INTS10: variants seen among roughly 807,000 people sequenced by gnomAD.
INTS10 encodes chromosome 8 open reading frame 35.
A neutral mutation model predicts 94.4 loss-of-function variants in INTS10; 44 were observed. The observed-to-expected ratio is 0.47, with a 90% CI of 0.37 to 0.60. The LOEUF (loss-of-function observed/expected upper bound fraction) is 0.60. Ranked by LOEUF, INTS10 falls within the 20% of genes least tolerant of loss-of-function variation. The pLI is 0.00. For missense variants in INTS10, 797 were observed against 868.7 expected (o/e 0.92, Z 1.04); for synonymous variants, 341 against 320.7 (o/e 1.06, Z -0.68).
chr8:19,847,829 T>C (rs2068705307), intron 16 of INTS10, among the ~76,000 whole-genome samples: 2 of 152,286 alleles, frequency 1.3e-5, no homozygotes, highest in South Asian at 2.1e-4. Context: ...GAAGAGTGTT[T>C]GGAGTTGTTT....
At chr8:19,830,189 C>G (rs568497467) in intron 9 of INTS10, among the ~76,000 whole-genome samples, 16 of 152,088 alleles carry the variant, frequency 1.1e-4, no homozygotes, top group Non-Finnish European at 1.8e-4. Context: ...AAAAAAAATT[C>G]ACTCAATTTT....
In INTS10 at chr8:19,846,666, C is replaced by T. The variant is rs2068612894; in HGVS notation, c.1976+869C>T. Among the ~76,000 whole-genome samples, 1 of 152,154 alleles carries T rather than the reference C, an allele frequency of 6.6e-6. No homozygotes were observed. The highest frequency in any genetic ancestry group is 2.1e-4 in the South Asian group (1 of 4,832). ...GAGTGGTTGGTCTCCACCATGCTCC[C>T]CTGAACTCACAAGATGTTACTAAAA... On this transcript the variant is annotated intron_variant, in intron 16 of 16. Coordinates refer to ENST00000397977, the MANE Select transcript of INTS10 (RefSeq NM_018142.4). This position sits in a 1 kb window ranked among gnomAD's most constrained non-coding sequence, Gnocchi z 4.2.
intron 8 of INTS10, among the ~76,000 whole-genome samples, chr8:19,825,543 A>G (rs2066728063): frequency 6.6e-6 from 1 of 152,056 alleles, no homozygotes; most frequent in East Asian, 1.9e-4. Flanking sequence ...AAAAGAAAAA[A>G]ACAGCAGATG....
rs143011757 is a variant in INTS10, at chr8:19,847,317, A to G, written c.1976+1520A>G. On this transcript the variant is annotated intron_variant, in intron 16 of 16. Coordinates refer to ENST00000397977, the MANE Select transcript of INTS10 (RefSeq NM_018142.4). ...GATGGACAAGGACTGGCATCTTCCA[A>G]TCCCCATTTACTTTTCTAAGATCGT... 1.1e-4 allele frequency among the ~76,000 whole-genome samples: 17 copies of G among 152,352 alleles called. No homozygotes were observed. The East Asian group carries it at 3.3e-3, about 29-fold the overall frequency.
chr8:19,825,359 CTACTAA>C (rs1168332501), intron 8 of INTS10, among the ~76,000 whole-genome samples: 1 of 152,058 alleles, frequency 6.6e-6, no homozygotes, highest in Non-Finnish European at 1.5e-5. Flanking sequence ...AACCCCATCT[CTACTAA>C]AAATACAAAT....
intron 7 of INTS10, chr8:19,824,547 G>T: frequency 2.7e-6 from 1 of 376,520 alleles, no homozygotes. Context: ...GAACTCTTAA[G>T]ACGATGTTGT....
intron 9 of INTS10, among the ~76,000 whole-genome samples, chr8:19,830,089 G>A (rs2067115362): frequency 6.6e-6 from 1 of 152,068 alleles, no homozygotes; most frequent in African/African-American, 2.4e-5. Flanking sequence ...GTCTCTCAAT[G>A]TAAAAATCTA....
At chr8:19,842,085 C>A in intron 13 of INTS10, 2 of 225,798 alleles carry the variant, frequency 8.9e-6, no homozygotes, top group Non-Finnish European at 1.8e-5. Flanking sequence ...GCTTTGAAAG[C>A]TATTGCTTAA....
rs1281320071 is a variant in INTS10 at position 19,846,677 on chromosome 8, A to G, written c.1976+880A>G. 6.6e-6 allele frequency among the ~76,000 whole-genome samples: 1 copy of G among 152,192 alleles called. No individual in the cohort carries two copies. The highest frequency in any genetic ancestry group is 3.2e-3 in the Middle Eastern group (1 of 316). ...CTCCACCATGCTCCCCTGAACTCAC[A>G]AGATGTTACTAAAATTCCGGGTTGG... is the stretch of plus-strand genomic sequence containing the variant. On this transcript the variant is annotated intron_variant, in intron 16 of 16. Transcript: ENST00000397977. This position sits in a 1 kb window ranked among gnomAD's most constrained non-coding sequence, Gnocchi z 4.2.
At chr8:19,820,155 T>C (rs1478800997) in intron 3 of INTS10, among the ~76,000 whole-genome samples, 1 of 150,910 alleles carries the variant, frequency 6.6e-6, no homozygotes, top group Non-Finnish European at 1.5e-5. Flanking sequence ...ATCATTGTTT[T>C]TTGAATTTGA....
At chr8:19,844,353 C>T (rs1033347386) in intron 15 of INTS10, 115 bp downstream of exon 15, 11 of 818,580 alleles carry the variant, frequency 1.3e-5, no homozygotes, top group South Asian at 2.1e-5. Flanking sequence ...TATTTTGCAG[C>T]GAAGAGAAGG....
At chr8:19,847,408 G>A (rs1046185904) in intron 16 of INTS10, among the ~76,000 whole-genome samples, 1 of 152,148 alleles carries the variant, frequency 6.6e-6, no homozygotes, top group Non-Finnish European at 1.5e-5. Context: ...TGGGGATAAA[G>A]ATTACCTTTG....
chr8:19,826,346 G>T (rs1016192711), intron 8 of INTS10, 80 bp from the exon 9 acceptor site: 5 of 1,421,526 alleles, frequency 3.5e-6, no homozygotes, highest in Non-Finnish European at 4.7e-6. Flanking sequence ...CCTCCCAAAG[G>T]GCTGGGATTG....
In INTS10 at chr8:19,845,761, A is replaced by T. The variant is rs374085068; in HGVS notation, c.1940A>T (p.His647Leu). ...AGAACTCAGGAAGGTGGGAAAATTC[A>T]TCTGGAATTACTACCCAATCAAGGA... ...YLRTQEGGKIHLELLPNQGML... is the reference protein window; with the variant it reads ...YLRTQEGGKILLELLPNQGML... The change falls in exon 16 of 17, where the codon CAT becomes CTT. Residue 647 changes from histidine to leucine, a missense_variant. Transcript: ENST00000397977. 2.5e-5 allele frequency: 40 copies of T among 1,613,854 alleles called. No individual in the cohort carries two copies. In the African/African-American group the frequency reaches 4.1e-4, roughly 17 times the overall value.
rs1021443530 is a variant in INTS10 at position 19,817,527 on chromosome 8, G to A, written c.-11G>A. ...GCCGCTTCGGGCTGGCGGCTGGAGA[G>A]CGCTCGGGTCATGTCTGCCCAGGGG... is the stretch of plus-strand genomic sequence containing the variant. On this transcript the variant is annotated 5_prime_UTR_variant, in exon 1 of 17. Coordinates refer to ENST00000397977, the MANE Select transcript of INTS10 (RefSeq NM_018142.4). The A allele has an allele frequency of 4.4e-6, 7 of 1,603,972 alleles. No individual in the cohort carries two copies. The African/African-American group carries it at 9.4e-5, about 21-fold the overall frequency.
At chr8:19,823,745 C>A in intron 6 of INTS10, 128 bp from the exon 7 acceptor site, 1 of 858,298 alleles carries the variant, frequency 1.2e-6, no homozygotes, top group Non-Finnish European at 1.8e-6. Context: ...GGTCCTTGAG[C>A]AAAACATAAG....
At chr8:19,837,507 C>T in intron 13 of INTS10, 1 of 186,758 alleles carries the variant, frequency 5.4e-6, no homozygotes, top group Admixed American at 5.5e-5. Context: ...TTCCAAAGCT[C>T]TCTTCACTTC....
intron 9 of INTS10, among the ~76,000 whole-genome samples, chr8:19,828,489 C>G (rs1422548366): frequency 6.6e-6 from 1 of 152,218 alleles, no homozygotes; most frequent in African/African-American, 2.4e-5. Flanking sequence ...TCAGAGTGTA[C>G]TTGCACATTT....
At chr8:19,833,095 C>G (rs761998551) in intron 11 of INTS10, 74 bp from the exon 12 acceptor site, 4 of 1,358,904 alleles carry the variant, frequency 2.9e-6, no homozygotes, top group South Asian at 3.2e-5. Context: ...TTCGTGAACC[C>G]TGGAACGGTA....
Sources: allele counts gnomAD v4.1 joint callset (sites outside exome capture counted in the v4.1 genomes callset), GRCh38; gene constraint gnomAD v4.1.1; non-coding constraint Gnocchi (gnomAD v3.1); transcripts MANE v1.5; gene names NCBI Gene and HGNC (gene_info 2026-07-23, HGNC 2026-07-21).